The following GNG2 variants were observed in gnomAD, a reference collection of about 807,000 sequenced individuals.
GNG2 encodes the protein guanine nucleotide-binding protein G(I)/G(S)/G(O) subunit gamma-2.
GNG2 carries 5 observed loss-of-function variants against 5.5 expected under a neutral mutation model. The observed-to-expected ratio is 0.91, with a 90% confidence interval of 0.48 to 1.92. The LOEUF (loss-of-function observed/expected upper bound fraction) is 1.92. Ranked by LOEUF, GNG2 falls within the 30% of genes most tolerant of loss-of-function variation. The probability of loss-of-function intolerance (pLI) is 0.01; values close to 1 mark genes in which losing one functional copy is unlikely to be tolerated. For missense variants in GNG2, 55 were observed against 88.4 expected, an observed-to-expected ratio of 0.62 and a Z score of 1.52; for synonymous variants, 28 against 32.0, an observed-to-expected ratio of 0.88 and a Z score of 0.42.
chr14:51,917,911 A>G (rs768519978), intron 2 of GNG2, among the ~76,000 whole-genome samples: 1 of 152,022 alleles, frequency 6.6e-6, no homozygotes, highest in Non-Finnish European at 1.5e-5. Flanking sequence ...CTGTAGTCCC[A>G]GCTACTCGGG....
At chr14:51,908,723 C>T in intron 2 of GNG2, among the ~76,000 whole-genome samples, 1 of 139,788 alleles carries the variant, frequency 7.2e-6, no homozygotes, top group Admixed American at 7.5e-5. Context: ...GCGTGCGCCA[C>T]CACACCCAGC....
In GNG2 at chr14:51,841,534, C is replaced by T. The variant is rs556561728; in HGVS notation, c.64+13727C>T. 232 of 702,098 alleles carry T rather than the reference C, an allele frequency of 3.3e-4. 3 individuals carry two copies. The African/African-American group carries it at 3.6e-3, about 11-fold the overall frequency. The allele number at this position is 702,098 out of a possible 1,614,324, so 43.5% of individuals were successfully genotyped here. On this transcript the variant is annotated intron_variant, in intron 2 of 3. Coordinates refer to the GNG2 transcript ENST00000553432. The stretch of plus-strand genomic sequence containing the variant: ...AGAATCCCAGAGCATAGAAAAGTCA[C>T]ACAGCTAATTAAGTGTTGGAGCCCG...
intron 2 of GNG2, among the ~76,000 whole-genome samples, chr14:51,842,990 T>G (rs966041512): frequency 5.3e-5 from 8 of 152,184 alleles, no homozygotes; most frequent in Admixed American, 3.9e-4. Context: ...AAGGAAAATT[T>G]TCTTCTCCCT....
intron 2 of GNG2, among the ~76,000 whole-genome samples, chr14:51,935,272 G>A (rs1392286984): frequency 2.0e-5 from 3 of 151,916 alleles, no homozygotes; most frequent in African/African-American, 7.3e-5. Context: ...TGATCCGGCC[G>A]CCTCGGCCTC....
At chr14:51,869,027 T>C (rs993044280) in intron 1 of GNG2, among the ~76,000 whole-genome samples, 3 of 152,238 alleles carry the variant, frequency 2.0e-5, no homozygotes, top group Non-Finnish European at 4.4e-5. Context: ...TCTGCCCTTA[T>C]TCCTGTTTTG....
chr14:51,940,640 A>G (rs1888263316), intron 2 of GNG2, among the ~76,000 whole-genome samples: 1 of 151,248 alleles, frequency 6.6e-6, no homozygotes, highest in South Asian at 2.1e-4. Context: ...TGCAAGGTGG[A>G]TTCCAACCCA....
intron 1 of GNG2, among the ~76,000 whole-genome samples, chr14:51,872,193 A>G (rs1222380976): frequency 2.6e-5 from 4 of 152,230 alleles, no homozygotes; most frequent in African/African-American, 9.6e-5. Context: ...TTGCCACAGT[A>G]TAACCTAGCC....
At chr14:51,951,113 A>AT (rs1424307454) in intron 3 of GNG2, among the ~76,000 whole-genome samples, 17 of 152,028 alleles carry the variant, frequency 1.1e-4, no homozygotes, top group Non-Finnish European at 2.5e-4. Context: ...TTGGTTTTTA[A>AT]TTTTTTCTGT....
chr14:51,956,214 A>G (rs1281005135), intron 3 of GNG2, among the ~76,000 whole-genome samples: 1 of 152,174 alleles, frequency 6.6e-6, no homozygotes, highest in African/African-American at 2.4e-5. Context: ...ATAGCAAGTA[A>G]ACTGTTTTCT....
chr14:51,885,490 T>G (rs1884385842), intron 2 of GNG2, among the ~76,000 whole-genome samples: 1 of 152,096 alleles, frequency 6.6e-6, no homozygotes, highest in Admixed American at 6.6e-5. Context: ...TCTTTTAAGT[T>G]CTAATCAATA....
intron 1 of GNG2, among the ~76,000 whole-genome samples, chr14:51,870,270 T>C (rs1883214080): frequency 6.6e-6 from 1 of 152,128 alleles, no homozygotes; most frequent in Admixed American, 6.5e-5. Context: ...ACAACTTGTT[T>C]TTGTTGTTAG....
rs918699913 is a variant in GNG2, at chr14:51,968,243, C to A, written c.*1556C>A. 9 of 152,102 alleles carry A rather than the reference C, an allele frequency of 5.9e-5. No homozygotes were observed. The highest frequency in any genetic ancestry group is 1.3e-4 in the Non-Finnish European group (9 of 68,008). The allele number at this position is 152,102 out of a possible 1,614,324, so 9.4% of individuals were successfully genotyped here. ...AAGACTTGATCACCTTTTTCTGTGT[C>A]ATTTTCAGTCAAAGAGGGCCTCTCT... On this transcript the variant is annotated 3_prime_UTR_variant, in exon 4 of 4. Transcript: ENST00000556766.
chr14:51,908,095 G>A (rs1886046934), intron 2 of GNG2, among the ~76,000 whole-genome samples: 1 of 152,188 alleles, frequency 6.6e-6, no homozygotes, highest in Non-Finnish European at 1.5e-5. Flanking sequence ...CAAAGATGCA[G>A]TTAAGGTATT....
chr14:51,849,276 T>C (rs1258149737), intron 2 of GNG2, among the ~76,000 whole-genome samples: 6 of 152,202 alleles, frequency 3.9e-5, no homozygotes, highest in Non-Finnish European at 7.3e-5. Context: ...GGCACCTGGT[T>C]TCCCCCAGAG....
At chr14:51,885,024 G>C (rs1262918680) in intron 2 of GNG2, among the ~76,000 whole-genome samples, 4 of 152,164 alleles carry the variant, frequency 2.6e-5, no homozygotes, top group African/African-American at 9.7e-5. Context: ...AATGCACAGA[G>C]GGGAGGCGGA....
Position 51,840,785 on chromosome 14 carries a change from T to G in GNG2, c.64+12978T>G, listed in dbSNP as rs148987604. ...GACTGCCTTTTAGCACATCTGCTAT[T>G]CTTATATGCCAGAAGACAACCCCCT... is the stretch of plus-strand genomic sequence containing the variant. On this transcript the variant is annotated intron_variant, in intron 2 of 3. Coordinates refer to the GNG2 transcript ENST00000553432. Among the ~76,000 whole-genome samples the G allele has an allele frequency of 2.6e-5, 4 of 152,322 alleles. 1 individual carries two copies. In the East Asian group the frequency reaches 7.7e-4, roughly 29 times the overall value.
At chr14:51,852,182 C>A (rs553731457) in intron 2 of GNG2, among the ~76,000 whole-genome samples, 2 of 152,118 alleles carry the variant, frequency 1.3e-5, no homozygotes, top group Non-Finnish European at 2.9e-5. Flanking sequence ...AAAATAAAAT[C>A]ATAAACAATA....
At chr14:51,870,082 G>T (rs1883197015) in intron 1 of GNG2, among the ~76,000 whole-genome samples, 1 of 152,162 alleles carries the variant, frequency 6.6e-6, no homozygotes, top group African/African-American at 2.4e-5. Context: ...CATTTTATAA[G>T]TGAAGATATC....
At chr14:51,900,832 T>C (rs146679388) in intron 2 of GNG2, among the ~76,000 whole-genome samples, 1 of 152,230 alleles carries the variant, frequency 6.6e-6, no homozygotes, top group African/African-American at 2.4e-5. Context: ...CATGATTGAA[T>C]AAAAGTAATG....
Sources: allele counts gnomAD v4.1 joint callset (sites outside exome capture counted in the v4.1 genomes callset), GRCh38; gene constraint gnomAD v4.1.1; transcripts MANE v1.5; gene names NCBI Gene and HGNC (gene_info 2026-07-23, HGNC 2026-07-21).